Variants in PTPRC observed in about 807,000 individuals in gnomAD.
PTPRC encodes protein tyrosine phosphatase receptor type C, also known as receptor-type tyrosine-protein phosphatase C.
In PTPRC, 44 loss-of-function variants were observed where a neutral mutation model predicts 155.9. The observed-to-expected ratio is 0.28, with a 90% CI of 0.22 to 0.36. The LOEUF (loss-of-function observed/expected upper bound fraction) is 0.36, where lower values mean the gene tolerates loss of function less well. Ranked by LOEUF, PTPRC falls within the 10% of genes least tolerant of loss-of-function variation. The pLI is 1.00. For missense variants in PTPRC, 1,401 were observed against 1,564.6 expected, an observed-to-expected ratio of 0.90 and a Z score of 1.76; for synonymous variants, 525 against 533.1, an observed-to-expected ratio of 0.98 and a Z score of 0.21.
At chr1:198,653,527 A>G (rs535328424) in intron 2 of PTPRC, among the ~76,000 whole-genome samples, 1 of 151,924 alleles carries the variant, frequency 6.6e-6, no homozygotes, top group African/African-American at 2.4e-5. Flanking sequence ...GTCAACATGA[A>G]CTCCTATTCT....
rs1302706042 is a variant in PTPRC, at chr1:198,721,694, C to T, written c.1660-722C>T. Among the ~76,000 whole-genome samples the T allele has an allele frequency of 2.6e-5, 4 of 152,036 alleles. No individual in the cohort carries two copies. In the South Asian group the frequency reaches 8.3e-4, roughly 32 times the overall value. On this transcript the variant is annotated intron_variant, in intron 14 of 32. Coordinates refer to ENST00000442510, the MANE Select transcript of PTPRC (RefSeq NM_002838.5). Reference sequence around the variant, plus strand: ...TTTAGGATTTGTAGAATAATTTTTACAGCTCTATGTGTGATATTTATGAAT... The same window carrying T: ...TTTAGGATTTGTAGAATAATTTTTATAGCTCTATGTGTGATATTTATGAAT...
chr1:198,670,474 A>G (rs1664579960), intron 2 of PTPRC, among the ~76,000 whole-genome samples: 1 of 152,140 alleles, frequency 6.6e-6, no homozygotes, highest in South Asian at 2.1e-4. Flanking sequence ...AAATTTTAAA[A>G]ATTAAATCTT....
In PTPRC at chr1:198,757,409, A is replaced by C. The variant is rs1558045039; in HGVS notation, c.*1228A>C. ...TATCCAATAGTCTAATAATTGTTTA[A>C]GATCTAGAAAAAAAAAATCAAGAAT... is the stretch of plus-strand genomic sequence containing the variant. On this transcript the variant is annotated 3_prime_UTR_variant, in exon 33 of 33. Transcript: ENST00000442510. 4 of 149,682 alleles carry C rather than the reference A, an allele frequency of 2.7e-5. No homozygotes were observed. Among genetic ancestry groups the C allele is most frequent in the Middle Eastern group, 3.5e-3 (1 of 286 alleles). The allele number at this position is 149,682 out of a possible 1,614,324, so 9.3% of individuals were successfully genotyped here.
chr1:198,642,516 C>T (rs1662655733), intron 2 of PTPRC, among the ~76,000 whole-genome samples: 1 of 151,814 alleles, frequency 6.6e-6, no homozygotes, highest in Non-Finnish European at 1.5e-5. Context: ...CTCTGATTCT[C>T]CATCTCTAGA....
intron 24 of PTPRC, 45 bp downstream of exon 24, chr1:198,742,071 C>T: frequency 6.2e-7 from 1 of 1,606,304 alleles, no homozygotes; most frequent in Middle Eastern, 1.7e-4. Context: ...AAAAAAACTC[C>T]AACAGAATCC....
chr1:198,677,598 C>T (rs772051367), intron 2 of PTPRC, among the ~76,000 whole-genome samples: 7 of 152,014 alleles, frequency 4.6e-5, no homozygotes, highest in Non-Finnish European at 1.0e-4. Flanking sequence ...ATTCTTCCTC[C>T]CTGCTTCCAT....
At chr1:198,743,873 A>G (rs1187299466) in intron 25 of PTPRC, among the ~76,000 whole-genome samples, 181 bp from the exon 26 acceptor site, 8 of 151,880 alleles carry the variant, frequency 5.3e-5, no homozygotes, top group Non-Finnish European at 1.2e-4. Flanking sequence ...GAATTTGCTC[A>G]TATTCCAGAA....
chr1:198,656,653 G>GTTTTTTTTTTTTTT (rs67367377), intron 2 of PTPRC, among the ~76,000 whole-genome samples: 1 of 141,700 alleles, frequency 7.1e-6, no homozygotes. Flanking sequence ...TTTGTTTTTT[G>GTTTTTTTTTTTTTT]TTTTTTTTTT....
At position 198,722,418 on chromosome 1, in the gene PTPRC, C is replaced by A; in HGVS notation, c.1662C>A (p.Ala554=). Residue 554 remains alanine (A), a splice_region_variant and synonymous_variant, in exon 15 of 33, where the codon GCC becomes GCA. Transcript: ENST00000442510. ...TATTTTTTGTTACTGAAATTCAGGC[C>A]TATTTTCACAATGGAGACTATCCTG... ...LQYSTDYTFK[A]YFHNGDYPGE... 7.0e-7 allele frequency: 1 copy of A among 1,437,932 alleles called. No individual in the cohort carries two copies. Among genetic ancestry groups the A allele is most frequent in the African/African-American group, 1.4e-5 (1 of 69,278 alleles). The allele number at this position is 1,437,932 out of a possible 1,614,324, so 89.1% of individuals were successfully genotyped here.
At chr1:198,696,167 A>G (rs1471712905) in intron 3 of PTPRC, among the ~76,000 whole-genome samples, 1 of 145,800 alleles carries the variant, frequency 6.9e-6, no homozygotes, top group Non-Finnish European at 1.5e-5. Flanking sequence ...TCAAAAAGAA[A>G]ATATATATAT....
At chr1:198,755,851 A>G in intron 32 of PTPRC, 55 bp from the exon 33 acceptor site, 1 of 1,527,358 alleles carries the variant, frequency 6.5e-7, no homozygotes, top group Non-Finnish European at 9.1e-7. Context: ...CATCTGGCAT[A>G]AAAATAATGA....
chr1:198,723,115 A>G (rs1178146609), intron 15 of PTPRC, among the ~76,000 whole-genome samples: 1 of 147,936 alleles, frequency 6.8e-6, no homozygotes, highest in Non-Finnish European at 1.5e-5. Flanking sequence ...TTTCCTTCAT[A>G]TATATATATA....
At chr1:198,688,572 C>G (rs145772931) in intron 2 of PTPRC, among the ~76,000 whole-genome samples, 2 of 152,264 alleles carry the variant, frequency 1.3e-5, no homozygotes, top group East Asian at 3.9e-4. Flanking sequence ...TGACACACCT[C>G]TAAATTTTCT....
At chr1:198,748,088 T>TG (rs760932132) in intron 26 of PTPRC, 21 bp from the exon 27 acceptor site, 148 of 1,516,778 alleles carry the variant, frequency 9.8e-5, no homozygotes, top group Middle Eastern at 4.3e-4. Context: ...GGAGTTTTTC[T>TG]GTTTTTTTTT....
chr1:198,703,484 A>C, intron 7 of PTPRC, 112 bp downstream of exon 7: 1 of 1,553,984 alleles, frequency 6.4e-7, no homozygotes. Flanking sequence ...AGTTGCATTA[A>C]GTGTTTGAAT....
chr1:198,647,663 T>G (rs958796484), intron 2 of PTPRC, among the ~76,000 whole-genome samples: 3 of 151,872 alleles, frequency 2.0e-5, no homozygotes, highest in African/African-American at 2.4e-5. Context: ...ATTTGAAAAA[T>G]ATAGAAATGA....
At chr1:198,669,526 G>A (rs1664524724) in intron 2 of PTPRC, among the ~76,000 whole-genome samples, 1 of 151,860 alleles carries the variant, frequency 6.6e-6, no homozygotes, top group Non-Finnish European at 1.5e-5. Flanking sequence ...ACTTTTTAAA[G>A]TTTTCACTTT....
At chr1:198,663,053 C>A (rs6692438) in intron 2 of PTPRC, among the ~76,000 whole-genome samples, 1 of 152,076 alleles carries the variant, frequency 6.6e-6, no homozygotes, top group Non-Finnish European at 1.5e-5. Flanking sequence ...GTACTTCCCA[C>A]GTCTCTTCAC....
chr1:198,657,294 A>G (rs1488799679), intron 2 of PTPRC, among the ~76,000 whole-genome samples: 1 of 152,026 alleles, frequency 6.6e-6, no homozygotes, highest in African/African-American at 2.4e-5. Context: ...GTTATTGAAT[A>G]TTATCATCAG....
Sources: gnomAD v4.1 joint callset for allele counts (sites outside exome capture counted in the v4.1 genomes callset) on GRCh38, gnomAD v4.1.1 for gene constraint, MANE v1.5 for transcripts, NCBI Gene and HGNC (gene_info 2026-07-23, HGNC 2026-07-21) for gene names.